CERS4: variants seen among roughly 807,000 people sequenced by gnomAD.
CERS4 encodes the protein ceramide synthase 4, also known as LAG1 homolog, ceramide synthase 4.
In CERS4, 65 loss-of-function variants were observed where a neutral mutation model predicts 51.8. The observed-to-expected ratio is 1.26, with a 90% confidence interval of 1.03 to 1.54. The LOEUF (loss-of-function observed/expected upper bound fraction) is 1.54. Ranked by LOEUF, CERS4 falls within the 40% of genes most tolerant of loss-of-function variation. CERS4 has a pLI of 0.00. For synonymous variants in CERS4, 228 were observed against 208.4 expected (o/e 1.09, Z -0.81); for missense variants, 563 against 500.4 (o/e 1.13, Z -1.19).
chr19:8,255,987 C>G (rs1969359303), intron 6 of CERS4, 108 bp downstream of exon 6: 3 of 1,261,482 alleles, frequency 2.4e-6, no homozygotes, highest in Non-Finnish European at 3.4e-6. Context: ...AAACATGCAG[C>G]TGAGGAGAGA....
chr19:8,228,922 G>A (rs1162475442), intron 2 of CERS4, among the ~76,000 whole-genome samples: 1 of 151,940 alleles, frequency 6.6e-6, no homozygotes, highest in Non-Finnish European at 1.5e-5. Flanking sequence ...TACTTGGGAG[G>A]CTGAGGCAGG....
At chr19:8,229,417 TTTTCTTCTTC>T (rs1967921332) in intron 2 of CERS4, among the ~76,000 whole-genome samples, 1 of 10,718 alleles carries the variant, frequency 9.3e-5, no homozygotes, top group Admixed American at 8.3e-4. Flanking sequence ...CTTTCTTCTT[TTTTCTTCTTC>T]TTCTTCTTCG....
intron 2 of CERS4, among the ~76,000 whole-genome samples, chr19:8,246,284 G>A (rs1002774881): frequency 1.7e-4 from 26 of 151,776 alleles, no homozygotes; most frequent in Non-Finnish European, 3.4e-4. Context: ...CGGGCCAGGC[G>A]CAGTGGCTCA....
At chr19:8,254,322 CAAAAAA>C (rs74176633) in intron 3 of CERS4, among the ~76,000 whole-genome samples, 171 bp from the exon 4 acceptor site, 44 of 38,782 alleles carry the variant, frequency 1.1e-3, no homozygotes, top group African/African-American at 3.2e-3. Flanking sequence ...TACTCTGTCT[CAAAAAA>C]AAAAAAAAAA....
At chr19:8,258,261 T>G (rs1969501491) in intron 10 of CERS4, among the ~76,000 whole-genome samples, 1 of 152,126 alleles carries the variant, frequency 6.6e-6, no homozygotes, top group African/African-American at 2.4e-5. Context: ...TAAATATTTG[T>G]GGGGGCCTCT....
intron 2 of CERS4, among the ~76,000 whole-genome samples, chr19:8,224,305 G>T (rs913460508): frequency 1.3e-5 from 2 of 151,550 alleles, no homozygotes; most frequent in African/African-American, 4.9e-5. Flanking sequence ...TACTCAGGAG[G>T]CTGAGGCAGG....
chr19:8,214,334 C>T (rs1365528118), intron 2 of CERS4: 2 of 152,368 alleles, frequency 1.3e-5, no homozygotes, highest in African/African-American at 2.4e-5. Flanking sequence ...CAGACAGCCA[C>T]AGGAAGCCTT....
chr19:8,240,417 G>A (rs906039275), intron 2 of CERS4: 5 of 152,146 alleles, frequency 3.3e-5, no homozygotes, highest in African/African-American at 1.2e-4. Flanking sequence ...AGGTCCGTCT[G>A]GAAGGGACAG....
chr19:8,245,120 A>AACAAAACAAACAAAAACAAAAAAAC (rs1968708485), intron 2 of CERS4, among the ~76,000 whole-genome samples: 2 of 150,658 alleles, frequency 1.3e-5, no homozygotes, highest in South Asian at 2.1e-4. Context: ...TCAAAAAAAA[A>AACAAAACAAACAAAAACAAAAAAAC]AAAAAAAAAA....
intron 2 of CERS4, among the ~76,000 whole-genome samples, chr19:8,234,542 ATTTTTT>A (rs35971828): frequency 1.8e-4 from 10 of 54,176 alleles, no homozygotes; most frequent in South Asian, 1.6e-3. Flanking sequence ...CCACCATTCT[ATTTTTT>A]TTTTTTTTTT....
Position 8,261,682 on chromosome 19 carries a change from C to T in CERS4, c.849-6C>T, listed in dbSNP as rs1327451009. The stretch of plus-strand genomic sequence containing the variant: ...CCCCAGCCTCCTCCTCTCCCCCTGG[C>T]TGTAGGATCCTCTACACCACATACT... On this transcript the variant is annotated splice_region_variant and splice_polypyrimidine_tract_variant and intron_variant, in intron 10 of 11. Transcript: ENST00000251363. The T allele has an allele frequency of 6.2e-7, 1 of 1,613,840 alleles. No homozygotes were observed. The highest frequency in any genetic ancestry group is 8.5e-7 in the Non-Finnish European group (1 of 1,179,950).
chr19:8,257,148 TC>T, intron 9 of CERS4, 71 bp downstream of exon 9: 1 of 1,453,252 alleles, frequency 6.9e-7, no homozygotes, highest in Non-Finnish European at 9.3e-7. Context: ...AGAGATGAGG[TC>T]CCATTCCTCC....
chr19:8,261,209 T>TA (rs112640871), intron 10 of CERS4: 20,577 of 156,496 alleles, frequency 0.13, 1,792 homozygotes, highest in East Asian at 0.32. Flanking sequence ...ACCCCTTTTT[T>TA]ACTCCTTGGG....
Position 8,261,842 on chromosome 19 carries a change from C to T in CERS4, c.1003C>T (p.Gln335Ter), listed in dbSNP as rs751872515. 1.9e-6 allele frequency: 3 copies of T among 1,614,178 alleles called. No individual in the cohort carries two copies. The highest frequency in any genetic ancestry group is 3.3e-5 in the Admixed American group (2 of 60,028). ...RMLYSFMKKG[Q>*]MEKDIRSDVE... ...GCTCTATAGCTTCATGAAGAAGGGC[C>T]AGGTATGGCTGGACCTCCCCGGGGG... is the stretch of plus-strand genomic sequence containing the variant. The change falls in exon 11 of 12, where the codon CAG becomes TAG. Residue 335 changes from glutamine (Q) to a stop codon, truncating the protein, a stop_gained and splice_region_variant. Coordinates refer to ENST00000251363, the MANE Select transcript of CERS4 (RefSeq NM_024552.3). LOFTEE classifies it low-confidence loss of function (END_TRUNC).
chr19:8,253,259 G>A (rs1027476267), intron 3 of CERS4, among the ~76,000 whole-genome samples: 3 of 152,210 alleles, frequency 2.0e-5, no homozygotes, highest in Non-Finnish European at 2.9e-5. Context: ...GGAGGGGCTT[G>A]GAGCGGGAAC....
chr19:8,245,115 A>AAAAAAAACAAAACAAACAAAAAC (rs1968705744), intron 2 of CERS4, among the ~76,000 whole-genome samples: 1 of 128,988 alleles, frequency 7.8e-6, no homozygotes, highest in South Asian at 2.5e-4. Context: ...CCATCTCAAA[A>AAAAAAAACAAAACAAACAAAAAC]AAAAAAAAAA....
intron 2 of CERS4, among the ~76,000 whole-genome samples, chr19:8,212,692 G>A (rs998335736): frequency 6.6e-6 from 1 of 152,002 alleles, no homozygotes; most frequent in African/African-American, 2.4e-5. Flanking sequence ...AGGCTGGAGT[G>A]CAATGGTGCG....
chr19:8,225,704 G>A (rs914880184), intron 2 of CERS4, among the ~76,000 whole-genome samples: 17 of 151,862 alleles, frequency 1.1e-4, no homozygotes, highest in African/African-American at 3.6e-4. Context: ...GATTATAGGC[G>A]TGAGCCACCG....
chr19:8,261,880 G>A (rs1969723931), intron 11 of CERS4, 36 bp downstream of exon 11: 1 of 1,613,292 alleles, frequency 6.2e-7, no homozygotes, highest in East Asian at 2.2e-5. Flanking sequence ...CCAGCCCTAA[G>A]CTCCTCCTTC....
Sources: allele counts gnomAD v4.1 joint callset (sites outside exome capture counted in the v4.1 genomes callset), GRCh38; gene constraint gnomAD v4.1.1; transcripts MANE v1.5; gene names NCBI Gene and HGNC (gene_info 2026-07-23, HGNC 2026-07-21).